Variants in TRPM1 observed in about 807,000 individuals in gnomAD.
The protein encoded by TRPM1 is TRPM1-203 APA Isoform, Intron 10.
TRPM1 carries 113 observed loss-of-function variants against 149.4 expected under a neutral mutation model. The ratio of observed to expected loss-of-function variants is 0.76; its 90% CI spans 0.65 to 0.88. The LOEUF (loss-of-function observed/expected upper bound fraction) is 0.88. Among genes scored for constraint, TRPM1 ranks in the 40% least tolerant of loss-of-function variants. The probability of loss-of-function intolerance (pLI) is 0.00; values close to 1 mark genes in which losing one functional copy is unlikely to be tolerated. For missense variants in TRPM1, 1,976 were observed against 2,038.7 expected (o/e 0.97, Z 0.59); for synonymous variants, 741 against 759.5 (o/e 0.98, Z 0.40).
At chr15:31,104,176 A>C (rs1408735753), upstream of TRPM1, among the ~76,000 whole-genome samples, 1 of 152,092 alleles carries the variant, frequency 6.6e-6, no homozygotes, top group Non-Finnish European at 1.5e-5. Flanking sequence ...CCTTCTCCTC[A>C]TGGGGGAGCC....
intron 15 of TRPM1, 149 bp downstream of exon 15, chr15:31,046,962 C>T: frequency 8.9e-7 from 1 of 1,120,172 alleles, no homozygotes; most frequent in Non-Finnish European, 1.3e-6. Context: ...TGCCGTGGCT[C>T]TGGCCTGAGA....
At chr15:31,104,783 A>G (rs2035578117), upstream of TRPM1, among the ~76,000 whole-genome samples, 1 of 151,578 alleles carries the variant, frequency 6.6e-6, no homozygotes, top group Non-Finnish European at 1.5e-5. Flanking sequence ...TTTAATAGAG[A>G]CTGGGTTTCA....
chr15:31,017,930 T>C (rs2032425636), intron 27 of TRPM1, among the ~76,000 whole-genome samples: 2 of 152,260 alleles, frequency 1.3e-5, no homozygotes, highest in South Asian at 4.1e-4. Flanking sequence ...TCCAAACTCA[T>C]GTCCTTGTGG....
Position 31,026,943 on chromosome 15 carries a change from C to T in TRPM1, c.3468G>A (p.Gly1156=). The T allele has an allele frequency of 6.2e-7, 1 of 1,613,924 alleles. No homozygotes were observed. ...LSGRCRKKRE[G]DQEERDRGLK... The stretch of plus-strand genomic sequence containing the variant: ...ATCCACGATCCCGTTCCTCTTGGTC[C>T]CCTTCTCTCTTTTTCCTGCAGCGGC... The change falls in exon 26 of 28, where the codon GGG becomes GGA. Residue 1156 remains glycine (G), a synonymous_variant. Transcript: ENST00000256552.
intron 1 of TRPM1, among the ~76,000 whole-genome samples, chr15:31,088,744 C>T (rs889647454): frequency 2.7e-5 from 4 of 150,864 alleles, no homozygotes; most frequent in South Asian, 2.1e-4. Context: ...ATTCGTCTTC[C>T]TGCTACCTGT....
chr15:31,118,904 G>A (rs35472543), intron 1 of TRPM1, among the ~76,000 whole-genome samples: 19,810 of 151,970 alleles, frequency 0.13, 1,706 homozygotes, highest in Non-Finnish European at 0.18. Context: ...AATTTGATGG[G>A]GAAGGGACAC....
chr15:31,160,719 CAT>C (rs2036433587), intron 1 of TRPM1, among the ~76,000 whole-genome samples: 4 of 152,346 alleles, frequency 2.6e-5, no homozygotes, highest in Admixed American at 2.6e-4. Flanking sequence ...TGGCAGGAAA[CAT>C]AGGGCACCTT....
At chr15:31,057,919 G>A (rs745964389) in intron 11 of TRPM1, among the ~76,000 whole-genome samples, 2 of 152,124 alleles carry the variant, frequency 1.3e-5, no homozygotes, top group African/African-American at 4.8e-5. Context: ...TCTCTCTCAT[G>A]GGCTGCCGTG....
intron 1 of TRPM1, among the ~76,000 whole-genome samples, chr15:31,157,907 T>G (rs1204080988): frequency 6.6e-6 from 1 of 152,124 alleles, no homozygotes; most frequent in Non-Finnish European, 1.5e-5. Context: ...AGCTGGTGTG[T>G]TTCAACAAAC....
At chr15:31,050,273 G>T in intron 12 of TRPM1, 136 bp downstream of exon 12, 2 of 1,267,750 alleles carry the variant, frequency 1.6e-6, no homozygotes, top group Non-Finnish European at 2.3e-6. Context: ...TTGAAATGCT[G>T]ACACTACCCA....
At chr15:31,091,236 C>T (rs1405622562) in intron 1 of TRPM1, among the ~76,000 whole-genome samples, 1 of 152,192 alleles carries the variant, frequency 6.6e-6, no homozygotes, top group Admixed American at 6.5e-5. Context: ...AGATCGGACA[C>T]AATGAGACAG....
intron 1 of TRPM1, among the ~76,000 whole-genome samples, chr15:31,122,591 C>G (rs11631401): frequency 0.61 from 92,019 of 151,968 alleles, 28,158 homozygotes; most frequent in East Asian, 0.76. Flanking sequence ...TAGTACCAAA[C>G]AATAGAGTAC....
upstream of TRPM1, among the ~76,000 whole-genome samples, chr15:31,104,154 C>T (rs931550348): frequency 3.3e-5 from 5 of 152,174 alleles, no homozygotes; most frequent in African/African-American, 7.2e-5. Context: ...CACCCAGCTG[C>T]GGGGGTGCAG....
At chr15:31,063,882 C>T (rs2034301318) in intron 7 of TRPM1, among the ~76,000 whole-genome samples, 1 of 152,158 alleles carries the variant, frequency 6.6e-6, no homozygotes. Flanking sequence ...GTTGGGGCTA[C>T]TTCAAGGTGA....
Position 31,001,721 on chromosome 15 carries a change from TA to T in TRPM1, c.*100del. On this transcript the variant is annotated 3_prime_UTR_variant, in exon 28 of 28. Coordinates refer to ENST00000256552, the MANE Select transcript of TRPM1 (RefSeq NM_001252024.2). ...TCAAGTCTGAATTTCCAAAATTTTTTAAGGAAAATGTTTTTAGAAATTGATG... is the reference window on the plus strand; with the variant it reads ...TCAAGTCTGAATTTCCAAAATTTTTTAGGAAAATGTTTTTAGAAATTGATG... 1.4e-6 allele frequency: 2 copies of T among 1,389,972 alleles called. No individual in the cohort carries two copies. The highest frequency in any genetic ancestry group is 1.9e-6 in the Non-Finnish European group (2 of 1,034,298). The allele number at this position is 1,389,972 out of a possible 1,614,324, so 86.1% of individuals were successfully genotyped here. A position where few individuals can be genotyped will look rare whatever the true frequency, so the allele number is the denominator to read the frequency against.
At chr15:31,160,029 C>T (rs926996782) in intron 1 of TRPM1, among the ~76,000 whole-genome samples, 1 of 152,162 alleles carries the variant, frequency 6.6e-6, no homozygotes, top group African/African-American at 2.4e-5. Flanking sequence ...CCCCACCCTT[C>T]TGTGCACAAT....
Position 31,002,747 on chromosome 15 carries a change from C to T in TRPM1, c.3953G>A (p.Gly1318Glu), listed in dbSNP as rs375859198. The T allele has an allele frequency of 3.3e-5, 54 of 1,614,070 alleles. No individual in the cohort carries two copies. The highest frequency in any genetic ancestry group is 4.2e-5 in the Non-Finnish European group (49 of 1,180,046). Residue 1318 changes from glycine (G) to glutamate (E), a missense_variant, in exon 28 of 28, where the codon GGA becomes GAA. Transcript: ENST00000256552. ...GAAGGAACAGGTTTTTTTCCTGACTCCTGTCCCTGGTGACGTGGAGAGAGA... is the reference window on the plus strand; with the variant it reads ...GAAGGAACAGGTTTTTTTCCTGACTTCTGTCCCTGGTGACGTGGAGAGAGA... The part of the protein sequence containing the change: ...DTSLSTSPGT[G>E]VRKKTCSFRI...
At chr15:31,032,006 GTTT>G (rs57762904) in intron 22 of TRPM1, among the ~76,000 whole-genome samples, 17,801 of 122,724 alleles carry the variant, frequency 0.15, 1,163 homozygotes, top group African/African-American at 0.23. Context: ...ATCAGGCGGG[GTTT>G]TTTTTTTTTT....
intron 27 of TRPM1, among the ~76,000 whole-genome samples, chr15:31,008,106 A>G (rs1266812129): frequency 6.6e-6 from 1 of 152,200 alleles, no homozygotes; most frequent in Non-Finnish European, 1.5e-5. Flanking sequence ...TAAAGATTTT[A>G]TGTGATTTTC....
Sources: gnomAD v4.1 joint callset for allele counts (sites outside exome capture counted in the v4.1 genomes callset) on GRCh38, gnomAD v4.1.1 for gene constraint, MANE v1.5 for transcripts, NCBI Gene and HGNC (gene_info 2026-07-23, HGNC 2026-07-21) for gene names.